The following ZFPM2 variants were observed in gnomAD, a reference collection of about 807,000 sequenced individuals.
ZFPM2 encodes zinc finger protein, FOG family member 2.
In ZFPM2, 20 loss-of-function variants were observed where a neutral mutation model predicts 98.6. The observed-to-expected ratio is 0.20, with a 90% CI of 0.14 to 0.29. ZFPM2 has a LOEUF of 0.29. Among genes scored for constraint, ZFPM2 ranks in the 10% least tolerant of loss-of-function variants. ZFPM2 has a pLI of 1.00. For synonymous variants in ZFPM2, 518 were observed against 502.7 expected (o/e 1.03, Z -0.41); for missense variants, 1,310 against 1,388.6 (o/e 0.94, Z 0.90).
intron 4 of ZFPM2, among the ~76,000 whole-genome samples, chr8:105,608,932 TG>T (rs997936194): frequency 6.6e-6 from 1 of 151,926 alleles, no homozygotes; most frequent in Non-Finnish European, 1.5e-5. Context: ...AACTATTTAG[TG>T]GGGGGCGTAT....
intron 1 of ZFPM2, among the ~76,000 whole-genome samples, chr8:105,330,561 T>TAG (rs1812198248): frequency 1.3e-5 from 1 of 77,132 alleles, no homozygotes; most frequent in African/African-American, 4.1e-5. Context: ...TACATATATA[T>TAG]ATATATACAT....
At chr8:105,435,199 C>A (rs758095060) in intron 2 of ZFPM2, among the ~76,000 whole-genome samples, 1 of 152,088 alleles carries the variant, frequency 6.6e-6, no homozygotes, top group Admixed American at 6.6e-5. Flanking sequence ...TGGAAAGGCC[C>A]ACAAAATACG....
chr8:105,662,523 T>C (rs1453273338), intron 5 of ZFPM2: 2 of 152,102 alleles, frequency 1.3e-5, no homozygotes, highest in East Asian at 1.9e-4. Context: ...AGTCCTTTTT[T>C]TTTCTCCTTC....
At chr8:105,585,583 C>T (rs1383571258) in intron 4 of ZFPM2, among the ~76,000 whole-genome samples, 3 of 152,144 alleles carry the variant, frequency 2.0e-5, no homozygotes, top group African/African-American at 4.8e-5. Context: ...TTGCCGTGTA[C>T]TTGAAATAGA....
At chr8:105,628,046 C>T (rs1816691387) in intron 4 of ZFPM2, among the ~76,000 whole-genome samples, 2 of 152,172 alleles carry the variant, frequency 1.3e-5, no homozygotes, top group Non-Finnish European at 2.9e-5. Flanking sequence ...ATTTATGTAG[C>T]TATTCAGCAA....
chr8:105,741,798 G>A (rs929373749), intron 5 of ZFPM2, among the ~76,000 whole-genome samples: 1 of 152,036 alleles, frequency 6.6e-6, no homozygotes, highest in Non-Finnish European at 1.5e-5. Flanking sequence ...TTTTCCTTCA[G>A]CTAGTGCACT....
At chr8:105,461,719 G>A (rs530530805) in intron 3 of ZFPM2, among the ~76,000 whole-genome samples, 9 of 151,996 alleles carry the variant, frequency 5.9e-5, no homozygotes, top group Admixed American at 1.3e-4. Context: ...ACTGTGTGCC[G>A]GTTACTGTTA....
chr8:105,530,757 T>C (rs1181361777), intron 3 of ZFPM2, among the ~76,000 whole-genome samples: 2 of 152,132 alleles, frequency 1.3e-5, no homozygotes, highest in Non-Finnish European at 2.9e-5. Flanking sequence ...CTTCAACATA[T>C]GAATTTTGGA....
At chr8:105,725,034 C>T (rs1811775477) in intron 5 of ZFPM2, among the ~76,000 whole-genome samples, 1 of 151,740 alleles carries the variant, frequency 6.6e-6, no homozygotes, top group South Asian at 2.1e-4. Context: ...TCTGCCTTTA[C>T]AATACAACAT....
chr8:105,395,667 CATA>C (rs1262981704), intron 1 of ZFPM2, among the ~76,000 whole-genome samples: 1 of 152,164 alleles, frequency 6.6e-6, no homozygotes, highest in Non-Finnish European at 1.5e-5. Flanking sequence ...GTATTTCAAA[CATA>C]ATAAATTGAC....
intron 5 of ZFPM2, among the ~76,000 whole-genome samples, chr8:105,692,328 A>G (rs1026337745): frequency 1.3e-5 from 2 of 152,162 alleles, no homozygotes; most frequent in Non-Finnish European, 2.9e-5. Flanking sequence ...AATGACTACA[A>G]TGTGTTCATA....
At chr8:105,564,720 A>G (rs1386944194) in intron 4 of ZFPM2, among the ~76,000 whole-genome samples, 1 of 152,142 alleles carries the variant, frequency 6.6e-6, no homozygotes, top group African/African-American at 2.4e-5. Context: ...AGCATGATAA[A>G]ATTGTTGATG....
intron 3 of ZFPM2, among the ~76,000 whole-genome samples, chr8:105,472,643 C>T (rs535927046): frequency 5.9e-5 from 9 of 152,072 alleles, no homozygotes; most frequent in Non-Finnish European, 8.8e-5. Flanking sequence ...TCTGGGACTA[C>T]AGGCGCCCAC....
intron 4 of ZFPM2, among the ~76,000 whole-genome samples, chr8:105,610,358 A>G (rs1816283542): frequency 1.3e-5 from 2 of 152,150 alleles, no homozygotes; most frequent in Admixed American, 1.3e-4. Context: ...GATGTCACTG[A>G]TGGTCTAGGG....
intron 3 of ZFPM2, among the ~76,000 whole-genome samples, chr8:105,466,593 A>T (rs1812800310): frequency 6.6e-6 from 1 of 152,022 alleles, no homozygotes; most frequent in Non-Finnish European, 1.5e-5. Context: ...CTTCTATACC[A>T]CAGAGGTTTA....
chr8:105,780,411 A>G (rs1813212761), intron 5 of ZFPM2: 1 of 152,242 alleles, frequency 6.6e-6, no homozygotes, highest in Admixed American at 6.5e-5. Context: ...ATCACTTCAA[A>G]ATAATAAAGA....
Position 105,335,739 on chromosome 8 carries a change from A to T in ZFPM2, c.40+16758A>T, listed in dbSNP as rs559353790. On this transcript the variant is annotated intron_variant, in intron 1 of 7. Transcript: ENST00000407775. ...GGCCTAGTAGAATAAATTACTGAAG[A>T]TGATCAAGTTAGAACTACCTCTGCT... 9.9e-5 allele frequency among the ~76,000 whole-genome samples: 15 copies of T among 151,908 alleles called. No homozygotes were observed. The South Asian group carries it at 3.1e-3, about 32-fold the overall frequency.
At chr8:105,528,750 T>A (rs1322079127) in intron 3 of ZFPM2, 1 of 152,158 alleles carries the variant, frequency 6.6e-6, no homozygotes, top group East Asian at 1.9e-4. Context: ...AAAATTTTCA[T>A]CATGGCATTG....
At chr8:105,793,309 T>TGTC (rs1262582055) in intron 6 of ZFPM2, among the ~76,000 whole-genome samples, 22 of 152,166 alleles carry the variant, frequency 1.4e-4, no homozygotes, top group Non-Finnish European at 2.4e-4. Flanking sequence ...AGCATTTGCT[T>TGTC]GTCTGTAAAG....
Sources: gnomAD v4.1 joint callset for allele counts (sites outside exome capture counted in the v4.1 genomes callset) on GRCh38, gnomAD v4.1.1 for gene constraint, MANE v1.5 for transcripts, NCBI Gene and HGNC (gene_info 2026-07-23, HGNC 2026-07-21) for gene names.